Variants in ERO1B observed in about 807,000 individuals in gnomAD.
ERO1B encodes the protein endoplasmic reticulum oxidoreductase 1 beta.
Under a neutral mutation model 75.3 loss-of-function variants are expected in ERO1B, and 49 were observed. The ratio of observed to expected loss-of-function variants is 0.65; its 90% CI spans 0.52 to 0.83. The LOEUF (loss-of-function observed/expected upper bound fraction) is 0.83. ERO1B is among the 40% of genes least tolerant of loss of function. The pLI is 0.00. For synonymous variants in ERO1B, 191 were observed against 192.9 expected (o/e 0.99, Z 0.08); for missense variants, 512 against 560.1 (o/e 0.91, Z 0.87).
rs554085468 is a variant in ERO1B at position 236,266,402 on chromosome 1, C to T, written c.222+3473G>A. Among the ~76,000 whole-genome samples, 37 of 152,180 alleles carry T rather than the reference C, an allele frequency of 2.4e-4. 1 individual carries two copies. Among genetic ancestry groups the T allele is most frequent in the Middle Eastern group, 3.4e-3 (1 of 294 alleles). On this transcript the variant is annotated intron_variant, in intron 2 of 15. Transcript: ENST00000354619. Reference sequence around the variant, plus strand: ...GTGGATCACCTGAGATCAGGAGTTGCGGACCAGCCTGGCCAACATGGTGAA... The same window carrying T: ...GTGGATCACCTGAGATCAGGAGTTGTGGACCAGCCTGGCCAACATGGTGAA...
chr1:236,272,791 G>A (rs1305604688), intron 1 of ERO1B, among the ~76,000 whole-genome samples: 1 of 151,980 alleles, frequency 6.6e-6, no homozygotes, highest in Non-Finnish European at 1.5e-5. Flanking sequence ...ATATGCTTGA[G>A]GTTTTTTTCC....
At chr1:236,240,365 G>A (rs1664670320) in intron 6 of ERO1B, among the ~76,000 whole-genome samples, 1 of 152,074 alleles carries the variant, frequency 6.6e-6, no homozygotes, top group African/African-American at 2.4e-5. Context: ...ACAACTTAGT[G>A]TGCAAGCTCT....
At position 236,263,778 on chromosome 1, in the gene ERO1B, C is replaced by CTTTTTTTTTTTTTTTTTTTTTTTTTTTT; in HGVS notation, c.222+6069_222+6096dup. On this transcript the variant is annotated intron_variant, in intron 2 of 15. Coordinates refer to ENST00000354619, the MANE Select transcript of ERO1B (RefSeq NM_019891.4). ...TATATTTTTTGTTTTATTTTGTTTG[C>CTTTTTTTTTTTTTTTTTTTTTTTTTTTT]TTTTTTTTTTTTTTTTTTTTTTTTT... Among the ~76,000 whole-genome samples the CTTTTTTTTTTTTTTTTTTTTTTTTTTTT allele has an allele frequency of 6.2e-4, 50 of 80,296 alleles. 7 individuals are homozygous for CTTTTTTTTTTTTTTTTTTTTTTTTTTTT. The highest frequency in any genetic ancestry group is 7.8e-4 in the African/African-American group (15 of 19,132). The allele number at this position is 80,296 out of a possible 152,430, so 52.7% of individuals were successfully genotyped here. A position where few individuals can be genotyped will look rare whatever the true frequency, so the allele number is the denominator to read the frequency against.
chr1:236,223,486 A>C (rs1269223885), intron 13 of ERO1B, among the ~76,000 whole-genome samples: 1 of 152,208 alleles, frequency 6.6e-6, no homozygotes, highest in Non-Finnish European at 1.5e-5. Context: ...AAAGGAATCA[A>C]TACCTTGGCA....
intron 1 of ERO1B, among the ~76,000 whole-genome samples, chr1:236,280,335 C>T (rs1036274339): frequency 1.3e-5 from 2 of 152,114 alleles, no homozygotes; most frequent in East Asian, 1.9e-4. Context: ...ATAATTTTGC[C>T]AAAGACAATT....
At chr1:236,246,406 A>T (rs1444808543) in intron 5 of ERO1B, among the ~76,000 whole-genome samples, 1 of 151,968 alleles carries the variant, frequency 6.6e-6, no homozygotes, top group Admixed American at 6.6e-5. Context: ...TCCTGGCTTC[A>T]ACCAATCCTC....
At position 236,253,490 on chromosome 1, in the gene ERO1B, G is replaced by T. The variant is rs1268508280; in HGVS notation, c.238C>A (p.Pro80Thr). 2 of 1,608,290 alleles carry T rather than the reference G, an allele frequency of 1.2e-6. No individual in the cohort carries two copies. Among genetic ancestry groups the T allele is most frequent in the Admixed American group, 1.7e-5 (1 of 59,618 alleles). ...FRYYKVNLKR[P>T]CPFWAEDGHC... ...CCATCTTCTGCCCAGAAAGGACAAG[G>T]TCGCTTCAGATTAACCTTGAAAGAA... Residue 80 changes from proline (P) to threonine (T), a missense_variant, in exon 3 of 16, where the codon CCT becomes ACT. Pro to Thr is a conservative substitution (Grantham distance 38, BLOSUM62 -1). Coordinates refer to ENST00000354619, the MANE Select transcript of ERO1B (RefSeq NM_019891.4).
At chr1:236,232,007 C>G (rs998128357) in intron 9 of ERO1B, among the ~76,000 whole-genome samples, 1 of 152,200 alleles carries the variant, frequency 6.6e-6, no homozygotes, top group Non-Finnish European at 1.5e-5. Context: ...CAGCTGCATG[C>G]TGTTTCCTCC....
rs2102934139 is a variant in ERO1B at position 236,216,079 on chromosome 1, A to G, written c.*2437T>C. Reference sequence around the variant, plus strand: ...GAAACATTCAAAGTTTACCAATTTTAATATATAGTTTGTCTAACTTACATA... The same window carrying G: ...GAAACATTCAAAGTTTACCAATTTTGATATATAGTTTGTCTAACTTACATA... On this transcript the variant is annotated 3_prime_UTR_variant, in exon 16 of 16. Transcript: ENST00000354619. 1 of 152,308 alleles carries G rather than the reference A, an allele frequency of 6.6e-6. No homozygotes were observed. Among genetic ancestry groups the G allele is most frequent in the South Asian group, 2.1e-4 (1 of 4,828 alleles). The allele number at this position is 152,308 out of a possible 1,614,324, so 9.4% of individuals were successfully genotyped here. A position where few individuals can be genotyped will look rare whatever the true frequency, so the allele number is the denominator to read the frequency against.
chr1:236,227,938 A>G (rs1664316648), intron 10 of ERO1B, among the ~76,000 whole-genome samples: 1 of 152,204 alleles, frequency 6.6e-6, no homozygotes, highest in African/African-American at 2.4e-5. Flanking sequence ...GACAATTTTG[A>G]ATGTTTACGA....
intron 2 of ERO1B, among the ~76,000 whole-genome samples, chr1:236,267,007 CAG>C (rs1665458291): frequency 6.6e-6 from 1 of 152,236 alleles, no homozygotes; most frequent in African/African-American, 2.4e-5. Context: ...TCTTTTGTAA[CAG>C]TCCCTAATTT....
In ERO1B at chr1:236,216,860, C is replaced by T. The variant is rs530128446; in HGVS notation, c.*1656G>A. 1 of 150,132 alleles carries T rather than the reference C, an allele frequency of 6.7e-6. No individual in the cohort carries two copies. The highest frequency in any genetic ancestry group is 1.5e-5 in the Non-Finnish European group (1 of 67,806). The allele number at this position is 150,132 out of a possible 1,614,324, so 9.3% of individuals were successfully genotyped here. On this transcript the variant is annotated 3_prime_UTR_variant, in exon 16 of 16. Coordinates refer to ENST00000354619, the MANE Select transcript of ERO1B (RefSeq NM_019891.4). ...TTTAGACAGTTTGCCTTAAGGCCCC[C>T]CTCCCCCACCATACAATACTTGCAA...
chr1:236,252,170 A>G, intron 3 of ERO1B, 79 bp from the exon 4 acceptor site: 1 of 867,056 alleles, frequency 1.2e-6, no homozygotes, highest in Non-Finnish European at 1.9e-6. Flanking sequence ...TTGTCAATGC[A>G]TTGCTCTATT....
At chr1:236,269,835 AT>A (rs3834089) in intron 2 of ERO1B, 39 bp downstream of exon 2, 1,301,108 of 1,515,654 alleles carry the variant, frequency 0.86, 560,809 homozygotes, top group East Asian at 0.88. Context: ...GTCACATATA[AT>A]ACCTTTGATA....
rs1664007598 is a variant in ERO1B at position 236,217,081 on chromosome 1, G to C, written c.*1435C>G. 6.6e-6 allele frequency: 1 copy of C among 151,594 alleles called. No individual in the cohort carries two copies. 9.4% of individuals were successfully genotyped at this position (151,594 alleles called of 1,614,324 possible). A position where few individuals can be genotyped will look rare whatever the true frequency, so the allele number is the denominator to read the frequency against. On this transcript the variant is annotated 3_prime_UTR_variant, in exon 16 of 16. Coordinates refer to ENST00000354619, the MANE Select transcript of ERO1B (RefSeq NM_019891.4). ...GGCTAAGTATTTTTAAGAGGGGTGAGCCAAGCCAACTAAATACAATTTTTT... is the reference window on the plus strand; with the variant it reads ...GGCTAAGTATTTTTAAGAGGGGTGACCCAAGCCAACTAAATACAATTTTTT...
chr1:236,228,045 C>T (rs1268322943), intron 10 of ERO1B, among the ~76,000 whole-genome samples: 1 of 152,146 alleles, frequency 6.6e-6, no homozygotes, highest in South Asian at 2.1e-4. Context: ...TATCAAGTAA[C>T]AAAATATCAG....
chr1:236,226,840 A>C, intron 10 of ERO1B, 101 bp from the exon 11 acceptor site: 1 of 781,486 alleles, frequency 1.3e-6, no homozygotes, highest in Non-Finnish European at 2.1e-6. Flanking sequence ...ATTGAAGAAC[A>C]TTAAAATAAA....
In ERO1B at chr1:236,227,112, TC is replaced by T. The variant is rs767329147; in HGVS notation, c.713-374del. 2.0e-5 allele frequency among the ~76,000 whole-genome samples: 3 copies of T among 152,296 alleles called. No homozygotes were observed. In the East Asian group the frequency reaches 5.8e-4, roughly 29 times the overall value. Reference sequence around the variant, plus strand: ...AATTATAAAGTCACTGCTGGATTTTTCCCCCTTCCTTATATGTGTTATTTGC... The same window carrying T: ...AATTATAAAGTCACTGCTGGATTTTTCCCCTTCCTTATATGTGTTATTTGC... On this transcript the variant is annotated intron_variant, in intron 10 of 15. Coordinates refer to ENST00000354619, the MANE Select transcript of ERO1B (RefSeq NM_019891.4).
chr1:236,256,708 A>G (rs151195918), intron 2 of ERO1B, among the ~76,000 whole-genome samples: 138 of 135,972 alleles, frequency 1.0e-3, no homozygotes, highest in African/African-American at 3.5e-3. Context: ...CTCTGGCAAT[A>G]ATTCCAGGTC....
Sources: allele counts gnomAD v4.1 joint callset (sites outside exome capture counted in the v4.1 genomes callset), GRCh38; gene constraint gnomAD v4.1.1; transcripts MANE v1.5; gene names NCBI Gene and HGNC (gene_info 2026-07-23, HGNC 2026-07-21).